Variants in PDCD4 observed in about 807,000 individuals in gnomAD.
PDCD4 encodes programmed cell death protein 4.
A neutral mutation model predicts 54.0 loss-of-function variants in PDCD4; 56 were observed. The ratio of observed to expected loss-of-function variants is 1.04; its 90% CI spans 0.84 to 1.30. The LOEUF (loss-of-function observed/expected upper bound fraction) is 1.30. PDCD4 is among the 50% of genes most tolerant of loss of function. The pLI is 0.00. For synonymous variants in PDCD4, 186 were observed against 194.8 expected (o/e 0.95, Z 0.37); for missense variants, 584 against 559.8 (o/e 1.04, Z -0.44).
chr10:110,887,745 G>T lies in PDCD4; in HGVS notation c.636G>T (p.Lys212Asn). 6.2e-7 allele frequency: 1 copy of T among 1,613,184 alleles called. No individual in the cohort carries two copies. ...VLAVSLALEG[K>N]ASHREMTSKL... ...CAGTATCCTTAGCATTGGAGGGGAA[G>T]GCTAGTCATAGAGAGATGACATCTA... The change falls in exon 6 of 12, where the codon AAG becomes AAT. Residue 212 changes from lysine (K) to asparagine (N), a missense_variant. Physicochemically the swap from Lys to Asn is moderately conservative, Grantham distance 94. Transcript: ENST00000280154.
intron 1 of PDCD4, among the ~76,000 whole-genome samples, chr10:110,875,690 A>G (rs11593462): frequency 0.068 from 10,347 of 152,170 alleles, 504 homozygotes; most frequent in African/African-American, 0.14. Context: ...TGTATCACAA[A>G]CATATCTTTT....
In PDCD4 at chr10:110,894,135, T is replaced by G. The variant is rs199616945; in HGVS notation, c.1035T>G (p.Ser345=). ...AATATTTACTCTCTGGAGACATATC[T>G]GAAGCTGAACATTGCCTTAAGGAAC... is the stretch of plus-strand genomic sequence containing the variant. The part of the protein sequence containing the change: ...LKEYLLSGDI[S]EAEHCLKELE... Residue 345 remains serine (S), a synonymous_variant, in exon 9 of 12, where the codon TCT becomes TCG. Coordinates refer to ENST00000280154, the MANE Select transcript of PDCD4 (RefSeq NM_014456.5). 103 of 1,610,052 alleles carry G rather than the reference T, an allele frequency of 6.4e-5. No individual in the cohort carries two copies. Among genetic ancestry groups the G allele is most frequent in the Non-Finnish European group, 8.1e-5 (95 of 1,176,606 alleles).
At chr10:110,893,891 A>G (rs972953103) in intron 8 of PDCD4, among the ~76,000 whole-genome samples, 200 bp from the exon 9 acceptor site, 11 of 152,140 alleles carry the variant, frequency 7.2e-5, no homozygotes, top group Admixed American at 5.9e-4. Flanking sequence ...AATCATAATT[A>G]TGAACCATTT....
chr10:110,876,688 C>G (rs1383132369), intron 2 of PDCD4: 1 of 1,236,486 alleles, frequency 8.1e-7, no homozygotes, highest in Non-Finnish European at 1.1e-6. Context: ...CCCTAATTCT[C>G]CATGGTGCTT....
At chr10:110,890,193 A>G (rs1453239512) in intron 7 of PDCD4, among the ~76,000 whole-genome samples, 5 of 152,198 alleles carry the variant, frequency 3.3e-5, no homozygotes, top group Admixed American at 6.5e-5. Flanking sequence ...CCTCAGGTCT[A>G]TATATTAACT....
intron 2 of PDCD4, among the ~76,000 whole-genome samples, chr10:110,881,007 T>G (rs1845581658): frequency 6.6e-6 from 1 of 152,202 alleles, no homozygotes; most frequent in African/African-American, 2.4e-5. Flanking sequence ...ACAAACATGC[T>G]TTGTTAAAAT....
chr10:110,894,381 C>T, intron 9 of PDCD4, 31 bp from the exon 10 acceptor site: 1 of 1,201,240 alleles, frequency 8.3e-7, no homozygotes, highest in Non-Finnish European at 1.2e-6. Context: ...TATGAATTAA[C>T]CAAAAATTCA....
intron 6 of PDCD4, among the ~76,000 whole-genome samples, chr10:110,888,874 C>T (rs1845710641): frequency 6.6e-6 from 1 of 151,938 alleles, no homozygotes; most frequent in African/African-American, 2.4e-5. Context: ...TTTTTTTCTC[C>T]ACAAGATAAA....
chr10:110,883,501 A>G (rs1450929791), intron 4 of PDCD4, among the ~76,000 whole-genome samples: 1 of 152,178 alleles, frequency 6.6e-6, no homozygotes, highest in East Asian at 1.9e-4. Flanking sequence ...AATGCTGAAA[A>G]TGTAAATTTT....
chr10:110,887,619 G>T, intron 5 of PDCD4, 46 bp from the exon 6 acceptor site: 2 of 1,332,914 alleles, frequency 1.5e-6, no homozygotes. Flanking sequence ...TGAACTATAG[G>T]TAGTGATACA....
chr10:110,895,285 T>G lies in PDCD4; in HGVS notation c.1210-663T>G, dbSNP rs1486879111. Among the ~76,000 whole-genome samples the G allele has an allele frequency of 2.0e-5, 3 of 152,142 alleles. No individual in the cohort carries two copies. The East Asian group carries it at 5.8e-4, about 29-fold the overall frequency. On this transcript the variant is annotated intron_variant, in intron 10 of 11. Coordinates refer to ENST00000280154, the MANE Select transcript of PDCD4 (RefSeq NM_014456.5). Reference sequence around the variant, plus strand: ...TTTATTGTTCCCATCTTCATGTCTGTGTGTACCCAATGTTTAGCTCTCACT... The same window carrying G: ...TTTATTGTTCCCATCTTCATGTCTGGGTGTACCCAATGTTTAGCTCTCACT...
chr10:110,885,296 G>C lies in PDCD4; in HGVS notation c.485G>C (p.Arg162Thr). 4 of 1,598,968 alleles carry C rather than the reference G, an allele frequency of 2.5e-6. No individual in the cohort carries two copies. The highest frequency in any genetic ancestry group is 2.3e-5 in the East Asian group (1 of 44,296). The change falls in exon 5 of 12, where the codon AGG becomes ACG. Residue 162 changes from arginine to threonine, a missense_variant. Physicochemically the swap from Arg to Thr is moderately conservative, Grantham distance 71 (BLOSUM62 -1). Coordinates refer to ENST00000280154, the MANE Select transcript of PDCD4 (RefSeq NM_014456.5). ...ACTGTAGTTTTGCCTTTGGATGAAA[G>C]GGCATTTGAGAAGACTTTAACACCA... is the stretch of plus-strand genomic sequence containing the variant. ...YETVVLPLDE[R>T]AFEKTLTPII... is the part of the protein sequence containing the mutation.
chr10:110,891,967 AT>A (rs1227037452), intron 8 of PDCD4, among the ~76,000 whole-genome samples: 7 of 152,148 alleles, frequency 4.6e-5, no homozygotes, highest in Admixed American at 2.0e-4. Context: ...ATGAATCCAC[AT>A]TTTTTAACTC....
chr10:110,894,290 T>C (rs1034669118), intron 9 of PDCD4, 92 bp downstream of exon 9: 6 of 905,950 alleles, frequency 6.6e-6, no homozygotes, highest in East Asian at 2.4e-5. Context: ...ACATCCTTTT[T>C]TTAATATCAA....
chr10:110,882,732 G>A (rs1248875043), intron 3 of PDCD4, among the ~76,000 whole-genome samples: 1 of 151,998 alleles, frequency 6.6e-6, no homozygotes, highest in African/African-American at 2.4e-5. Context: ...CCTCAATATA[G>A]CTATTTTTTT....
Position 110,876,000 on chromosome 10 carries a change from TA to T in PDCD4, c.-26del, listed in dbSNP as rs746482312. On this transcript the variant is annotated 5_prime_UTR_variant, in exon 2 of 12. Coordinates refer to ENST00000280154, the MANE Select transcript of PDCD4 (RefSeq NM_014456.5). Reference sequence around the variant, plus strand: ...GAAGATTTCCATTAGGTAATTTGTTTAATCAGTGCAAGCGAAATTAAGGGAA... The same window carrying T: ...GAAGATTTCCATTAGGTAATTTGTTTATCAGTGCAAGCGAAATTAAGGGAA... 1 of 1,561,028 alleles carries T rather than the reference TA, an allele frequency of 6.4e-7. No individual in the cohort carries two copies. Among genetic ancestry groups the T allele is most frequent in the South Asian group, 1.2e-5 (1 of 85,852 alleles).
At chr10:110,884,887 G>C (rs896440373) in intron 4 of PDCD4, 1 of 157,304 alleles carries the variant, frequency 6.4e-6, no homozygotes, top group Admixed American at 6.5e-5. Context: ...TCGAACTCTT[G>C]GGCTTAAGAG....
At chr10:110,875,053 C>T (rs1308262122) in intron 1 of PDCD4, among the ~76,000 whole-genome samples, 1 of 152,106 alleles carries the variant, frequency 6.6e-6, no homozygotes, top group African/African-American at 2.4e-5. Flanking sequence ...GTACTCTAAA[C>T]CACTATTTAA....
chr10:110,876,994 GTACA>G (rs1431237470), intron 2 of PDCD4, among the ~76,000 whole-genome samples: 1 of 152,002 alleles, frequency 6.6e-6, no homozygotes. Context: ...TGTTTACAAT[GTACA>G]TAGTTTTCTT....
Sources: allele counts gnomAD v4.1 joint callset (sites outside exome capture counted in the v4.1 genomes callset), GRCh38; gene constraint gnomAD v4.1.1; transcripts MANE v1.5; gene names NCBI Gene and HGNC (gene_info 2026-07-23, HGNC 2026-07-21).